Variants in SH2B3 observed in about 807,000 individuals in gnomAD.
SH2B3 encodes the protein SH2B adaptor protein 3.
In SH2B3, 43 loss-of-function variants were observed where a neutral mutation model predicts 51.9. That is an observed-to-expected ratio of 0.83 (90% CI 0.65 to 1.07). SH2B3 has a LOEUF of 1.07. Among genes scored for constraint, SH2B3 ranks in the 50% least tolerant of loss-of-function variants. The probability of loss-of-function intolerance (pLI) is 0.00; values close to 1 mark genes in which losing one functional copy is unlikely to be tolerated. For missense variants in SH2B3, 952 were observed against 834.3 expected (o/e 1.14, Z -1.74); for synonymous variants, 396 against 376.0 (o/e 1.05, Z -0.62).
At chr12:111,405,862 C>CCCG (rs1870196780), upstream of SH2B3, 2 of 152,056 alleles carry the variant, frequency 1.3e-5, no homozygotes, top group African/African-American at 4.8e-5. This position sits in a 1 kb window ranked among gnomAD's most constrained non-coding sequence, Gnocchi z 5.4. Flanking sequence ...CCGCCCCTGC[C>CCCG]CCGCCCCTGT....
chr12:111,446,354 T>C (rs564848942), intron 2 of SH2B3, among the ~76,000 whole-genome samples: 1 of 152,326 alleles, frequency 6.6e-6, no homozygotes, highest in African/African-American at 2.4e-5. Flanking sequence ...GGCTATAACT[T>C]AGGCTAGCCA....
intron 2 of SH2B3, among the ~76,000 whole-genome samples, chr12:111,426,507 A>C (rs1366039363): frequency 6.6e-6 from 1 of 150,590 alleles, no homozygotes; most frequent in Non-Finnish European, 1.5e-5. Context: ...TACAGGCGTG[A>C]GCCACTGTGC....
chr12:111,448,236 C>A lies in SH2B3; in HGVS notation c.1662C>A (p.Asp554Glu), dbSNP rs1372420637. ...HEPVNRARDS[D>E]YEMDSSSRSH... Reference sequence around the variant, plus strand: ...CTGTGAATCGAGCCCGGGACTCGGACTACGAAATGGACTCATCCTCCCGGA... The same window carrying A: ...CTGTGAATCGAGCCCGGGACTCGGAATACGAAATGGACTCATCCTCCCGGA... The change falls in exon 8 of 8, where the codon GAC becomes GAA. Residue 554 changes from aspartate to glutamate, a missense_variant. Transcript: ENST00000341259. The A allele has an allele frequency of 6.2e-7, 1 of 1,614,042 alleles. No homozygotes were observed. Among genetic ancestry groups the A allele is most frequent in the Non-Finnish European group, 8.5e-7 (1 of 1,180,030 alleles).
In SH2B3 at chr12:111,409,095, C is replaced by A. The variant is rs1374984400; in HGVS notation, c.-28+2818C>A. On this transcript the variant is annotated intron_variant, in intron 1 of 7. Transcript: ENST00000341259. The surrounding 1 kb of genome is among the most constrained non-coding windows in gnomAD (Gnocchi z 4.0). ...AGGCAGGTTACCTGGCTTCTCTGAT[C>A]TGGACCTCGCCTGCCCGATGGAAGC... is the stretch of plus-strand genomic sequence containing the variant. 1.3e-5 allele frequency among the ~76,000 whole-genome samples: 2 copies of A among 152,188 alleles called. No homozygotes were observed. Among genetic ancestry groups the A allele is most frequent in the Non-Finnish European group, 2.9e-5 (2 of 68,028 alleles).
intron 2 of SH2B3, among the ~76,000 whole-genome samples, chr12:111,421,930 C>T (rs1871594122): frequency 6.6e-6 from 1 of 152,222 alleles, no homozygotes; most frequent in Admixed American, 6.5e-5. Context: ...ATTGCTCAGT[C>T]ATAGAGTAGG....
At position 111,418,129 on chromosome 12, in the gene SH2B3, C is replaced by T. The variant is rs781616492; in HGVS notation, c.-17C>T. 6.7e-7 allele frequency: 1 copy of T among 1,483,168 alleles called. No individual in the cohort carries two copies. The highest frequency in any genetic ancestry group is 1.4e-5 in the South Asian group (1 of 73,180). 91.9% of individuals were successfully genotyped at this position (1,483,168 alleles called of 1,614,324 possible). On this transcript the variant is annotated 5_prime_UTR_variant, in exon 2 of 8. Coordinates refer to ENST00000341259, the MANE Select transcript of SH2B3 (RefSeq NM_005475.3). This position sits in a 1 kb window ranked among gnomAD's most constrained non-coding sequence, Gnocchi z 6.7. ...CCACGTGTCTTTCAGCCCGGCCGCA[C>T]CACCTGGGTCTCCGCCATGAACGGG...
At chr12:111,424,299 G>A (rs1165961655) in intron 2 of SH2B3, among the ~76,000 whole-genome samples, 1 of 152,058 alleles carries the variant, frequency 6.6e-6, no homozygotes, top group East Asian at 1.9e-4. Flanking sequence ...CTACCCCATA[G>A]GGCTGTGTGT....
intron 2 of SH2B3, among the ~76,000 whole-genome samples, chr12:111,419,448 C>G (rs922497412): frequency 6.6e-6 from 1 of 152,038 alleles, no homozygotes; most frequent in African/African-American, 2.4e-5. Context: ...ACCAGTCTGG[C>G]CAACATAGTG....
At chr12:111,408,787 G>A (rs1870448020) in intron 1 of SH2B3, among the ~76,000 whole-genome samples, 1 of 152,166 alleles carries the variant, frequency 6.6e-6, no homozygotes, top group South Asian at 2.1e-4. Flanking sequence ...CTGAGGGCTG[G>A]TGTTCATGAG....
chr12:111,412,138 T>C lies in SH2B3; in HGVS notation c.-28+5861T>C, dbSNP rs374492336. On this transcript the variant is annotated intron_variant, in intron 1 of 7. Transcript: ENST00000341259. The stretch of plus-strand genomic sequence containing the variant: ...ATCATCATTGCTTCCTGTCCACAGC[T>C]TGTCAGCCCCTGATCCCAGGGTTGT... Among the ~76,000 whole-genome samples the C allele has an allele frequency of 1.1e-4, 17 of 152,320 alleles. No homozygotes were observed. In the South Asian group the frequency reaches 3.5e-3, roughly 32 times the overall value.
Position 111,406,123 on chromosome 12 carries a change from C to T in SH2B3, c.-182C>T, listed in dbSNP as rs1289923408. On this transcript the variant is annotated 5_prime_UTR_variant, in exon 1 of 8. Transcript: ENST00000341259. This position sits in a 1 kb window ranked among gnomAD's most constrained non-coding sequence, Gnocchi z 5.7. The stretch of plus-strand genomic sequence containing the variant: ...TGGCCATTTTCCGAGCCCGGGTTTC[C>T]TGCCTGAGCCCCGCTCGAGCGAGCC... The T allele has an allele frequency of 6.6e-6, 1 of 151,924 alleles. No individual in the cohort carries two copies. The highest frequency in any genetic ancestry group is 2.4e-5 in the African/African-American group (1 of 41,402). The allele number at this position is 151,924 out of a possible 1,614,324, so 9.4% of individuals were successfully genotyped here.
intron 2 of SH2B3, among the ~76,000 whole-genome samples, chr12:111,430,984 T>C (rs2135571741): frequency 7.3e-6 from 1 of 136,330 alleles, no homozygotes; most frequent in Non-Finnish European, 1.6e-5. Context: ...AAAAGGAAAC[T>C]GATTGCGCTA....
At chr12:111,408,605 G>A (rs1222667757) in intron 1 of SH2B3, among the ~76,000 whole-genome samples, 1 of 152,208 alleles carries the variant, frequency 6.6e-6, no homozygotes, top group African/African-American at 2.4e-5. Flanking sequence ...GCCAGTCTCA[G>A]TGCCACCTGT....
rs1236170536 is a variant in SH2B3 at position 111,435,092 on chromosome 12, T to C, written c.733-11661T>C. 1.5e-6 allele frequency: 2 copies of C among 1,294,056 alleles called. No homozygotes were observed. Among genetic ancestry groups the C allele is most frequent in the African/African-American group, 3.0e-5 (2 of 67,602 alleles). The allele number at this position is 1,294,056 out of a possible 1,614,324, so 80.2% of individuals were successfully genotyped here. Reference sequence around the variant, plus strand: ...TGGTGGTGATGAGTCCCCTCTCCTCTGGTGCACTCTCCCCACCCGAGACGG... The same window carrying C: ...TGGTGGTGATGAGTCCCCTCTCCTCCGGTGCACTCTCCCCACCCGAGACGG... On this transcript the variant is annotated intron_variant, in intron 2 of 7. Coordinates refer to ENST00000341259, the MANE Select transcript of SH2B3 (RefSeq NM_005475.3). The surrounding 1 kb of genome is among the most constrained non-coding windows in gnomAD (Gnocchi z 4.8).
At chr12:111,433,613 T>C (rs1872647612) in intron 2 of SH2B3, among the ~76,000 whole-genome samples, 2 of 152,170 alleles carry the variant, frequency 1.3e-5, no homozygotes, top group African/African-American at 4.8e-5. Flanking sequence ...TGGAGTGCAG[T>C]GCAGTGGAGT....
At chr12:111,423,290 C>G (rs1871706736) in intron 2 of SH2B3, among the ~76,000 whole-genome samples, 1 of 152,208 alleles carries the variant, frequency 6.6e-6, no homozygotes, top group Admixed American at 6.5e-5. Flanking sequence ...TTAAAAATCT[C>G]AAGGCTGTGA....
chr12:111,426,570 A>G (rs1290801013), intron 2 of SH2B3, among the ~76,000 whole-genome samples: 5 of 152,026 alleles, frequency 3.3e-5, no homozygotes, highest in Admixed American at 6.6e-5. Context: ...GGTGAGAGAG[A>G]CAGGAAGGCA....
In SH2B3 at chr12:111,438,185, G is replaced by A. The variant is rs370469255; in HGVS notation, c.733-8568G>A. ...CTGGGTGGCAGGGGAAGGTGTGGGC[G>A]GGAAGGCGGCTGGAGGGAGACCAGG... On this transcript the variant is annotated intron_variant, in intron 2 of 7. Coordinates refer to ENST00000341259, the MANE Select transcript of SH2B3 (RefSeq NM_005475.3). This position sits in a 1 kb window ranked among gnomAD's most constrained non-coding sequence, Gnocchi z 4.2. 4.7e-4 allele frequency among the ~76,000 whole-genome samples: 71 copies of A among 152,164 alleles called. No homozygotes were observed. Among genetic ancestry groups the A allele is most frequent in the African/African-American group, 1.5e-3 (62 of 41,440 alleles).
Position 111,441,074 on chromosome 12 carries a change from CA to C in SH2B3, c.733-5678del, listed in dbSNP as rs1336618821. On this transcript the variant is annotated intron_variant, in intron 2 of 7. Transcript: ENST00000341259. ...CTAGTTTATACTCTATCCTGGGCAACAGAGAGGGACCCTGCCTCAAAAACAA... is the reference window on the plus strand; with the variant it reads ...CTAGTTTATACTCTATCCTGGGCAACGAGAGGGACCCTGCCTCAAAAACAA... 8.5e-5 allele frequency among the ~76,000 whole-genome samples: 13 copies of C among 152,222 alleles called. No homozygotes were observed. In the East Asian group the frequency reaches 1.9e-3, roughly 23 times the overall value.
Sources: gnomAD v4.1 joint callset for allele counts (sites outside exome capture counted in the v4.1 genomes callset) on GRCh38, gnomAD v4.1.1 for gene constraint, Gnocchi (gnomAD v3.1) non-coding constraint, MANE v1.5 for transcripts, NCBI Gene and HGNC (gene_info 2026-07-23, HGNC 2026-07-21) for gene names.